The following SVOPL variants were observed in gnomAD, a reference collection of about 807,000 sequenced individuals.
SVOPL encodes putative transporter SVOPL.
In SVOPL, 60 loss-of-function variants were observed where a neutral mutation model predicts 61.0. The ratio of observed to expected loss-of-function variants is 0.98; its 90% CI spans 0.80 to 1.22. SVOPL has a LOEUF of 1.22. Ranked by LOEUF, SVOPL falls within the 50% of genes most tolerant of loss-of-function variation. SVOPL has a pLI of 0.00. For missense variants in SVOPL, 662 were observed against 643.9 expected, an observed-to-expected ratio of 1.03 and a Z score of -0.30; for synonymous variants, 279 against 250.0, an observed-to-expected ratio of 1.12 and a Z score of -1.09.
At chr7:138,669,334 G>C (rs1443738011) in intron 4 of SVOPL, among the ~76,000 whole-genome samples, 5 of 152,114 alleles carry the variant, frequency 3.3e-5, no homozygotes, top group Non-Finnish European at 5.9e-5. Flanking sequence ...TTTGAGCCCA[G>C]GAGTTCAAAG....
intron 1 of SVOPL, among the ~76,000 whole-genome samples, chr7:138,685,152 C>T (rs1244455151): frequency 6.6e-6 from 1 of 151,842 alleles, no homozygotes; most frequent in Admixed American, 6.6e-5. Context: ...GGCTGGTCTC[C>T]GACTCCCGAC....
intron 14 of SVOPL, among the ~76,000 whole-genome samples, chr7:138,619,170 G>T (rs1799436741): frequency 6.6e-6 from 1 of 152,180 alleles, no homozygotes. Context: ...CACTTTGGAA[G>T]GACAAGGCAG....
intron 1 of SVOPL, among the ~76,000 whole-genome samples, chr7:138,692,312 T>C (rs1157328550): frequency 6.6e-6 from 1 of 152,110 alleles, no homozygotes; most frequent in Non-Finnish European, 1.5e-5. Flanking sequence ...TCACGTTGTT[T>C]AAATAGTGAG....
At position 138,679,387 on chromosome 7, in the gene SVOPL, A is replaced by C. The variant is rs186860056; in HGVS notation, c.-34-308T>G. ...TGAGTTCAAGCGATTCTCGTGCCTCAGCCTCTTGAGTAGCTGGGGTTACAG... is the reference window on the plus strand; with the variant it reads ...TGAGTTCAAGCGATTCTCGTGCCTCCGCCTCTTGAGTAGCTGGGGTTACAG... On this transcript the variant is annotated intron_variant, in intron 1 of 15. Coordinates refer to ENST00000674285, the MANE Select transcript of SVOPL (RefSeq NM_001139456.2). Among the ~76,000 whole-genome samples, 544 of 152,154 alleles carry C rather than the reference A, an allele frequency of 3.6e-3. 3 individuals carry two copies. Among genetic ancestry groups the C allele is most frequent in the African/African-American group, 0.013 (524 of 41,478 alleles).
intron 7 of SVOPL, among the ~76,000 whole-genome samples, chr7:138,650,800 G>A: frequency 8.6e-6 from 1 of 116,320 alleles, no homozygotes; most frequent in Non-Finnish European, 1.7e-5. Context: ...GTAACAGAGA[G>A]AGACTTTGTC....
At chr7:138,693,561 G>GAA (rs1184043520) in intron 1 of SVOPL, among the ~76,000 whole-genome samples, 2 of 66,178 alleles carry the variant, frequency 3.0e-5, no homozygotes, top group African/African-American at 1.5e-4. Context: ...AAGAAAGAAA[G>GAA]AAAGAAAGAA....
intron 14 of SVOPL, among the ~76,000 whole-genome samples, chr7:138,611,134 T>A (rs1287113511): frequency 6.6e-6 from 1 of 152,234 alleles, no homozygotes. Flanking sequence ...CCCAGCACTT[T>A]TCGGAAGCCA....
At chr7:138,652,455 G>A (rs184426091) in intron 7 of SVOPL, among the ~76,000 whole-genome samples, 278 of 152,010 alleles carry the variant, frequency 1.8e-3, no homozygotes, top group African/African-American at 6.4e-3. Context: ...CAAAGCACTG[G>A]GATCACAGGC....
At chr7:138,607,632 T>G (rs1182925348) in intron 14 of SVOPL, among the ~76,000 whole-genome samples, 3 of 152,134 alleles carry the variant, frequency 2.0e-5, no homozygotes, top group Admixed American at 6.5e-5. Flanking sequence ...TAGAGATGGC[T>G]GCAGCCAGCT....
chr7:138,640,221 C>CTTT (rs34885728), intron 9 of SVOPL, among the ~76,000 whole-genome samples: 19 of 149,932 alleles, frequency 1.3e-4, no homozygotes, highest in African/African-American at 4.6e-4. Flanking sequence ...TTTTTTTTAA[C>CTTT]TTTTTTTTTT....
At chr7:138,609,152 T>C (rs1169005109) in intron 14 of SVOPL, among the ~76,000 whole-genome samples, 2 of 152,174 alleles carry the variant, frequency 1.3e-5, no homozygotes, top group African/African-American at 4.8e-5. Flanking sequence ...AGAGGTATCA[T>C]TTATTGCCAG....
Position 138,621,966 on chromosome 7 carries a change from C to CTATGTATCTATG in SVOPL, c.1264-832_1264-831insCATAGATACATA, listed in dbSNP as rs1799614013. Among the ~76,000 whole-genome samples, 2 of 25,078 alleles carry CTATGTATCTATG rather than the reference C, an allele frequency of 8.0e-5. 1 individual carries two copies. The highest frequency in any genetic ancestry group is 2.7e-3 in the South Asian group (2 of 730). The allele number at this position is 25,078 out of a possible 152,430, so 16.5% of individuals were successfully genotyped here. ...TCTATGTATCTATCTATCTATGTAT[C>CTATGTATCTATG]TATCTATGTATCTATCTATCTATGT... On this transcript the variant is annotated intron_variant, in intron 13 of 15. Transcript: ENST00000674285.
chr7:138,628,067 G>A lies in SVOPL; in HGVS notation c.1069+91C>T, dbSNP rs970518048. The A allele has an allele frequency of 2.9e-5, 41 of 1,402,070 alleles. 1 individual carries two copies. The highest frequency in any genetic ancestry group is 2.3e-4 in the Middle Eastern group (1 of 4,426). The allele number at this position is 1,402,070 out of a possible 1,614,324, so 86.9% of individuals were successfully genotyped here. ...TTATTCAGTTCTGCTAGGCAGGAGC[G>A]GTGTCACAGGGTCACACTTCTCTCA... On this transcript the variant is annotated intron_variant, in intron 11 of 15. Coordinates refer to ENST00000674285, the MANE Select transcript of SVOPL (RefSeq NM_001139456.2).
At position 138,644,370 on chromosome 7, in the gene SVOPL, G is replaced by A. The variant is rs138853963; in HGVS notation, c.789+347C>T. On this transcript the variant is annotated intron_variant, in intron 9 of 15. Transcript: ENST00000674285. ...AAACTATTTCAGAGATATGAAAAAA[G>A]TCATGTAATGAGGTTTATAACCTTC... 4.2e-3 allele frequency among the ~76,000 whole-genome samples: 643 copies of A among 152,176 alleles called. 3 individuals carry two copies. The highest frequency in any genetic ancestry group is 0.015 in the African/African-American group (621 of 41,534).
At chr7:138,694,407 CCTAA>C (rs1163078114) in intron 1 of SVOPL, among the ~76,000 whole-genome samples, 1 of 151,766 alleles carries the variant, frequency 6.6e-6, no homozygotes, top group Non-Finnish European at 1.5e-5. Flanking sequence ...ACCACGCCCA[CCTAA>C]CTTTTTGTAT....
At chr7:138,654,502 T>TTG (rs1299744049) in intron 7 of SVOPL, among the ~76,000 whole-genome samples, 9 of 145,680 alleles carry the variant, frequency 6.2e-5, no homozygotes, top group South Asian at 2.2e-4. Context: ...CTGAGTTTGT[T>TTG]TTTTTTTTTT....
At chr7:138,670,908 G>T (rs1318676475) in intron 4 of SVOPL, among the ~76,000 whole-genome samples, 3 of 152,030 alleles carry the variant, frequency 2.0e-5, no homozygotes, top group African/African-American at 7.3e-5. Flanking sequence ...TAATATATCA[G>T]GAGCCTCTTT....
At chr7:138,667,086 T>G (rs905134571) in intron 4 of SVOPL, among the ~76,000 whole-genome samples, 7 of 152,034 alleles carry the variant, frequency 4.6e-5, no homozygotes, top group Admixed American at 4.6e-4. Context: ...CCAAAGTTAA[T>G]AAGAGGAGTT....
At position 138,678,477 on chromosome 7, in the gene SVOPL, C is replaced by T; in HGVS notation, c.131G>A (p.Gly44Glu). 1.3e-6 allele frequency: 2 copies of T among 1,551,906 alleles called. No individual in the cohort carries two copies. The highest frequency in any genetic ancestry group is 1.7e-6 in the Non-Finnish European group (2 of 1,147,038). The change falls in exon 3 of 16, where the codon GGG becomes GAG. Residue 44 changes from glycine to glutamate, a missense_variant. Transcript: ENST00000674285. ...VEDAVETIGFGRFHIALFLIM... is the reference protein window; with the variant it reads ...VEDAVETIGFERFHIALFLIM... Reference sequence around the variant, plus strand: ...CAGAAAGAGGGCAATGTGGAAACGCCCGAAGCCGATAGTCTCCACTGCATC... The same window carrying T: ...CAGAAAGAGGGCAATGTGGAAACGCTCGAAGCCGATAGTCTCCACTGCATC...
Sources: gnomAD v4.1 joint callset for allele counts (sites outside exome capture counted in the v4.1 genomes callset) on GRCh38, gnomAD v4.1.1 for gene constraint, MANE v1.5 for transcripts, NCBI Gene and HGNC (gene_info 2026-07-23, HGNC 2026-07-21) for gene names.